The following GSPT1 variants were observed in gnomAD, a reference collection of about 807,000 sequenced individuals.
The protein encoded by GSPT1 is eukaryotic peptide chain release factor GTP-binding subunit ERF3A.
Under a neutral mutation model 72.5 loss-of-function variants are expected in GSPT1, and 20 were observed. That is an observed-to-expected ratio of 0.28 (90% confidence interval 0.19 to 0.40). The LOEUF is 0.40. Ranked by LOEUF, GSPT1 falls within the 10% of genes least tolerant of loss-of-function variation. The pLI, the probability that GSPT1 is intolerant of heterozygous loss-of-function variation, is 1.00. For synonymous variants in GSPT1, 334 were observed against 293.5 expected (o/e 1.14, Z -1.41); for missense variants, 580 against 811.9 (o/e 0.71, Z 3.47).
chr16:11,891,592 C>G (rs1193765527), intron 5 of GSPT1, among the ~76,000 whole-genome samples: 2 of 151,638 alleles, frequency 1.3e-5, no homozygotes, highest in Non-Finnish European at 2.9e-5. Flanking sequence ...GAACTCCTGA[C>G]CTTGGGTGAT....
intron 6 of GSPT1, among the ~76,000 whole-genome samples, chr16:11,888,243 A>C (rs2054209080): frequency 6.6e-6 from 1 of 152,200 alleles, no homozygotes; most frequent in East Asian, 1.9e-4. Flanking sequence ...AGGCTGGCAG[A>C]TCACCTGAGG....
In GSPT1 at chr16:11,886,422, G is replaced by A. The variant is rs1485624341; in HGVS notation, c.1253+49C>T. 7 of 1,290,090 alleles carry A rather than the reference G, an allele frequency of 5.4e-6. No homozygotes were observed. The Admixed American group carries it at 1.5e-4, about 28-fold the overall frequency. 79.9% of individuals were successfully genotyped at this position (1,290,090 alleles called of 1,614,324 possible). The stretch of plus-strand genomic sequence containing the variant: ...GCATATGTCTTTATAAGTAATTTAA[G>A]TAATAACATCCTTTTCCTTTTTAAA... On this transcript the variant is annotated intron_variant, in intron 9 of 14. Transcript: ENST00000434724.
intron 1 of GSPT1, among the ~76,000 whole-genome samples, chr16:11,914,000 T>C (rs375171311): frequency 6.6e-6 from 1 of 152,330 alleles, no homozygotes; most frequent in East Asian, 1.9e-4. Flanking sequence ...CAAAAGTTTC[T>C]GTAGAAACCA....
intron 1 of GSPT1, among the ~76,000 whole-genome samples, chr16:11,905,281 A>T (rs2054474399): frequency 6.6e-6 from 1 of 152,232 alleles, no homozygotes; most frequent in Non-Finnish European, 1.5e-5. Flanking sequence ...CACCAGCCAC[A>T]TGTGGTTATT....
intron 4 of GSPT1, among the ~76,000 whole-genome samples, chr16:11,896,256 A>G (rs974577181): frequency 2.6e-5 from 4 of 152,232 alleles, no homozygotes; most frequent in Non-Finnish European, 5.9e-5. Flanking sequence ...CACATTTTCT[A>G]AGATACTGAT....
In GSPT1 at chr16:11,869,320, A is replaced by G. The variant is rs2053952835; in HGVS notation, c.*3799T>C. The G allele has an allele frequency of 6.6e-6, 1 of 152,178 alleles. No homozygotes were observed. The highest frequency in any genetic ancestry group is 6.5e-5 in the Admixed American group (1 of 15,272). The allele number at this position is 152,178 out of a possible 1,614,324, so 9.4% of individuals were successfully genotyped here. On this transcript the variant is annotated 3_prime_UTR_variant, in exon 15 of 15. Transcript: ENST00000434724. ...CTTAACAAGATGCTGCCATGGCGAGATCTCTCACGAAAGAAACAAGATCAA... is the reference window on the plus strand; with the variant it reads ...CTTAACAAGATGCTGCCATGGCGAGGTCTCTCACGAAAGAAACAAGATCAA...
At chr16:11,890,917 T>C in intron 6 of GSPT1, 145 bp downstream of exon 6, 5 of 560,908 alleles carry the variant, frequency 8.9e-6, no homozygotes, top group Non-Finnish European at 1.3e-5. Flanking sequence ...ACTCATCTAC[T>C]GTGTATTATG....
intron 10 of GSPT1, among the ~76,000 whole-genome samples, chr16:11,884,407 G>T (rs1409962727): frequency 6.6e-6 from 1 of 152,130 alleles, no homozygotes; most frequent in Non-Finnish European, 1.5e-5. Flanking sequence ...ATAAATTATG[G>T]TCTATCTATA....
At chr16:11,916,275 G>A (rs1214003837), upstream of GSPT1, among the ~76,000 whole-genome samples, 1 of 152,150 alleles carries the variant, frequency 6.6e-6, no homozygotes, top group East Asian at 1.9e-4. Context: ...CTGTCACCTG[G>A]TGGGGGGGCA....
At position 11,877,140 on chromosome 16, in the gene GSPT1, G is replaced by A. The variant is rs2054058766; in HGVS notation, c.1602+267C>T. 1.3e-5 allele frequency among the ~76,000 whole-genome samples: 2 copies of A among 152,146 alleles called. No individual in the cohort carries two copies. The highest frequency in any genetic ancestry group is 4.1e-4 in the South Asian group (2 of 4,826). ...CTGGTCAAAGTGAATATTAGATACT[G>A]TAGAATGTATCATCAGGAGATCAAA... is the stretch of plus-strand genomic sequence containing the variant. On this transcript the variant is annotated intron_variant, in intron 12 of 14. Coordinates refer to ENST00000434724, the MANE Select transcript of GSPT1 (RefSeq NM_002094.4). The surrounding 1 kb of genome is among the most constrained non-coding windows in gnomAD (Gnocchi z 4.0).
At chr16:11,898,874 G>A (rs150683328) in intron 1 of GSPT1, among the ~76,000 whole-genome samples, 71 of 152,260 alleles carry the variant, frequency 4.7e-4, no homozygotes, top group African/African-American at 1.6e-3. Flanking sequence ...AAAAATATCT[G>A]CAGAAAAGGT....
In GSPT1 at chr16:11,868,792, G is replaced by A. The variant is rs1399025854; in HGVS notation, c.*4327C>T. The A allele has an allele frequency of 6.6e-6, 1 of 152,232 alleles. No homozygotes were observed. Among genetic ancestry groups the A allele is most frequent in the Non-Finnish European group, 1.5e-5 (1 of 68,048 alleles). 9.4% of individuals were successfully genotyped at this position (152,232 alleles called of 1,614,324 possible). A position where few individuals can be genotyped will look rare whatever the true frequency, so the allele number is the denominator to read the frequency against. ...TTTCCACATCGTTTTAAAGGGCACAGTGGCAAATGTGACAAGGCAGAAAAC... is the reference window on the plus strand; with the variant it reads ...TTTCCACATCGTTTTAAAGGGCACAATGGCAAATGTGACAAGGCAGAAAAC... On this transcript the variant is annotated 3_prime_UTR_variant, in exon 15 of 15. Transcript: ENST00000434724.
Position 11,915,672 on chromosome 16 carries a change from T to TG in GSPT1, c.48_49insC (p.Ser17GlnfsTer13), listed in dbSNP as rs2054625419. 12 of 1,420,842 alleles carry TG rather than the reference T, an allele frequency of 8.4e-6. No individual in the cohort carries two copies. The highest frequency in any genetic ancestry group is 3.3e-5 in the African/African-American group (2 of 60,016). The allele number at this position is 1,420,842 out of a possible 1,614,324, so 88.0% of individuals were successfully genotyped here. ...TCGCTGCTGCTGCTGCCGCTGCTGCTCCCGCCGCCGCCGCCGCCGCCGCCG... is the reference window on the plus strand; with the variant it reads ...TCGCTGCTGCTGCTGCCGCTGCTGCTGCCCGCCGCCGCCGCCGCCGCCGCCG... On this transcript the variant is annotated frameshift_variant, in exon 1 of 15. Transcript: ENST00000434724. LOFTEE classifies it high-confidence loss of function.
chr16:11,901,307 G>A (rs570364796), intron 1 of GSPT1, among the ~76,000 whole-genome samples: 8 of 152,190 alleles, frequency 5.3e-5, no homozygotes, highest in East Asian at 1.9e-4. Context: ...AGAATTTTCC[G>A]AGGTTGAACT....
chr16:11,895,308 G>A, intron 4 of GSPT1: 1 of 195,956 alleles, frequency 5.1e-6, no homozygotes, highest in Non-Finnish European at 1.1e-5. Context: ...GCGGCCGCCT[G>A]TAATCCCAGC....
chr16:11,877,625 C>T lies in GSPT1; in HGVS notation c.1429-45G>A. ...TGGAGGTTTTCTGACACATTCACTG[C>T]ATTACGCAACATAAAATGATCTGAA... On this transcript the variant is annotated intron_variant, in intron 11 of 14. Transcript: ENST00000434724. This position sits in a 1 kb window ranked among gnomAD's most constrained non-coding sequence, Gnocchi z 4.0. 1.7e-6 allele frequency: 2 copies of T among 1,171,592 alleles called. No homozygotes were observed. Among genetic ancestry groups the T allele is most frequent in the Non-Finnish European group, 2.4e-6 (2 of 833,296 alleles). 72.6% of individuals were successfully genotyped at this position (1,171,592 alleles called of 1,614,324 possible). A position where few individuals can be genotyped will look rare whatever the true frequency, so the allele number is the denominator to read the frequency against.
chr16:11,887,549 G>T (rs752959868), intron 7 of GSPT1, 21 bp downstream of exon 7: 15 of 1,599,094 alleles, frequency 9.4e-6, no homozygotes, highest in Admixed American at 5.0e-5. Flanking sequence ...TATACAGATG[G>T]ACTGGAAATG....
At position 11,869,541 on chromosome 16, in the gene GSPT1, C is replaced by G. The variant is rs2053955953; in HGVS notation, c.*3578G>C. ...ATATAACATTTAACCATCCTAAAAT[C>G]AGAGCTATAGTGCTATAACCACATT... is the stretch of plus-strand genomic sequence containing the variant. On this transcript the variant is annotated 3_prime_UTR_variant, in exon 15 of 15. Transcript: ENST00000434724. 1 of 152,196 alleles carries G rather than the reference C, an allele frequency of 6.6e-6. No individual in the cohort carries two copies. Among genetic ancestry groups the G allele is most frequent in the African/African-American group, 2.4e-5 (1 of 41,454 alleles). 9.4% of individuals were successfully genotyped at this position (152,196 alleles called of 1,614,324 possible).
chr16:11,903,132 T>G (rs1433109352), intron 1 of GSPT1, among the ~76,000 whole-genome samples: 1 of 152,206 alleles, frequency 6.6e-6, no homozygotes, highest in East Asian at 1.9e-4. Flanking sequence ...CTCTGTGGAT[T>G]TACCTCTTCT....
Sources: allele counts gnomAD v4.1 joint callset (sites outside exome capture counted in the v4.1 genomes callset), GRCh38; gene constraint gnomAD v4.1.1; non-coding constraint Gnocchi (gnomAD v3.1); transcripts MANE v1.5; gene names NCBI Gene and HGNC (gene_info 2026-07-23, HGNC 2026-07-21).